Variants in CCDC88C observed in about 807,000 individuals in gnomAD.
CCDC88C encodes protein Daple.
Under a neutral mutation model 198.8 loss-of-function variants are expected in CCDC88C, and 131 were observed. The ratio of observed to expected loss-of-function variants is 0.66; its 90% CI spans 0.57 to 0.76. CCDC88C has a LOEUF of 0.76. Among genes scored for constraint, CCDC88C ranks in the 30% least tolerant of loss-of-function variants. The pLI is 0.00. For missense variants in CCDC88C, 2,553 were observed against 2,631.6 expected, an observed-to-expected ratio of 0.97 and a Z score of 0.65; for synonymous variants, 1,166 against 1,114.7, an observed-to-expected ratio of 1.05 and a Z score of -0.92.
chr14:91,272,618 G>C lies in CCDC88C; in HGVS notation c.*7C>G, dbSNP rs1455288132. On this transcript the variant is annotated 3_prime_UTR_variant, in exon 30 of 30. Coordinates refer to ENST00000389857, the MANE Select transcript of CCDC88C (RefSeq NM_001080414.4). ...TTTTCAGGTTTGCGAGCTCAACCAC[G>C]AGACAGTCACACACAGCCGTACTCA... The C allele has an allele frequency of 1.3e-6, 2 of 1,597,652 alleles. No individual in the cohort carries two copies. Among genetic ancestry groups the C allele is most frequent in the East Asian group, 4.5e-5 (2 of 44,498 alleles).
intron 22 of CCDC88C, 103 bp downstream of exon 22, chr14:91,297,202 G>A: frequency 8.5e-7 from 1 of 1,172,540 alleles, no homozygotes; most frequent in Non-Finnish European, 1.2e-6. Context: ...CTGTCTTTGA[G>A]CACAAATGCC....
chr14:91,362,440 G>GT (rs11403536), intron 3 of CCDC88C, among the ~76,000 whole-genome samples: 46,455 of 151,906 alleles, frequency 0.31, 7,294 homozygotes, highest in Non-Finnish European at 0.34. Flanking sequence ...TTGTTGTTTT[G>GT]TTTTTTGAAA....
At chr14:91,337,950 C>A (rs1893121574) in intron 10 of CCDC88C, 55 bp downstream of exon 10, 7 of 1,596,332 alleles carry the variant, frequency 4.4e-6, no homozygotes, top group Non-Finnish European at 5.1e-6. Flanking sequence ...TCTGAATGTG[C>A]TTCTCAGGAA....
At chr14:91,300,488 C>T (rs1048426604) in intron 20 of CCDC88C, among the ~76,000 whole-genome samples, 4 of 152,172 alleles carry the variant, frequency 2.6e-5, no homozygotes, top group Admixed American at 6.5e-5. Context: ...AGTGGAATTC[C>T]GCTGCACATC....
intron 20 of CCDC88C, among the ~76,000 whole-genome samples, chr14:91,301,392 C>T (rs560625900): frequency 6.6e-6 from 1 of 152,312 alleles, no homozygotes; most frequent in East Asian, 1.9e-4. Context: ...CTCCACCTGC[C>T]AAAACCTTTG....
intron 3 of CCDC88C, among the ~76,000 whole-genome samples, chr14:91,361,385 A>G (rs8008239): frequency 0.3 from 46,370 of 152,136 alleles, 7,274 homozygotes; most frequent in Non-Finnish European, 0.34. Flanking sequence ...ACATGGCCCG[A>G]GTGCGTATCT....
At chr14:91,391,269 C>T (rs1030627287) in intron 3 of CCDC88C, among the ~76,000 whole-genome samples, 13 of 151,064 alleles carry the variant, frequency 8.6e-5, no homozygotes, top group African/African-American at 3.2e-4. Context: ...AAAAAAAAAA[C>T]CCACTGGGTG....
chr14:91,281,270 C>A, intron 27 of CCDC88C, 187 bp downstream of exon 27: 1 of 1,452,534 alleles, frequency 6.9e-7, no homozygotes, highest in Non-Finnish European at 9.3e-7. Context: ...AATTCCCCAC[C>A]ACTGGAGGTA....
intron 3 of CCDC88C, among the ~76,000 whole-genome samples, chr14:91,365,620 T>C (rs117699667): frequency 0.021 from 3,158 of 152,308 alleles, 49 homozygotes; most frequent in Non-Finnish European, 0.035. Context: ...CCTCCACCCT[T>C]GGTTTGGCAA....
chr14:91,396,497 C>T (rs947826869), intron 3 of CCDC88C, among the ~76,000 whole-genome samples: 2 of 152,170 alleles, frequency 1.3e-5, no homozygotes, highest in Non-Finnish European at 2.9e-5. Flanking sequence ...CAACACTCAT[C>T]ACCCACAAGT....
chr14:91,289,330 T>A lies in CCDC88C; in HGVS notation c.4216A>T (p.Ile1406Phe), dbSNP rs1890561840. 2 of 1,613,846 alleles carry A rather than the reference T, an allele frequency of 1.2e-6. No homozygotes were observed. The highest frequency in any genetic ancestry group is 1.3e-5 in the African/African-American group (1 of 74,928). Residue 1406 changes from isoleucine to phenylalanine, a missense_variant, in exon 25 of 30, where the codon ATT becomes TTT. This residue lies in a region of CCDC88C where 1,293 missense variants were observed against 1,219.6 expected (regional missense o/e 1.06). Transcript: ENST00000389857. ...AGTTTGACTAAGGCTTTGGCTCCAA[T>A]CCAGTGGTTCTTCCTGGTTAGAAGT... ...DPPPKKKNHWIGAKALVKLIK... is the reference protein window; with the variant it reads ...DPPPKKKNHWFGAKALVKLIK...
At chr14:91,289,773 G>A (rs1473112585) in intron 24 of CCDC88C, among the ~76,000 whole-genome samples, 1 of 152,116 alleles carries the variant, frequency 6.6e-6, no homozygotes, top group Admixed American at 6.5e-5. Context: ...GCAGAGGAGA[G>A]CAGGCTGTTT....
intron 3 of CCDC88C, among the ~76,000 whole-genome samples, chr14:91,393,336 C>A (rs1378569351): frequency 6.6e-6 from 1 of 152,146 alleles, no homozygotes; most frequent in Non-Finnish European, 1.5e-5. Flanking sequence ...GCCCCCCCAC[C>A]CCCTAAACCC....
intron 10 of CCDC88C, among the ~76,000 whole-genome samples, chr14:91,326,274 C>T (rs1378354882): frequency 4.6e-5 from 7 of 151,806 alleles, no homozygotes; most frequent in East Asian, 1.9e-4. Context: ...GGTGCAGTGG[C>T]GCGATCTCAG....
chr14:91,294,143 C>T (rs377169890), intron 23 of CCDC88C, 30 bp downstream of exon 23: 28 of 1,611,332 alleles, frequency 1.7e-5, no homozygotes, highest in Middle Eastern at 3.3e-4. Flanking sequence ...GGTGAGGGTG[C>T]GGAGAGGGGT....
chr14:91,324,507 T>C (rs774340631), intron 12 of CCDC88C, among the ~76,000 whole-genome samples: 9 of 152,340 alleles, frequency 5.9e-5, no homozygotes, highest in African/African-American at 9.6e-5. Flanking sequence ...TGCACTATAA[T>C]CTGGAAGCTC....
intron 2 of CCDC88C, among the ~76,000 whole-genome samples, chr14:91,414,937 AG>A (rs1458461119): frequency 8.5e-5 from 13 of 152,216 alleles, no homozygotes; most frequent in Non-Finnish European, 1.9e-4. Context: ...CGTTTCTCAA[AG>A]GAACGGTCCA....
At chr14:91,337,596 C>T (rs142815820) in intron 10 of CCDC88C, among the ~76,000 whole-genome samples, 1 of 152,384 alleles carries the variant, frequency 6.6e-6, no homozygotes, top group African/African-American at 2.4e-5. Context: ...CCACCTTGGT[C>T]TCCCAAAGTG....
intron 4 of CCDC88C, among the ~76,000 whole-genome samples, chr14:91,351,920 C>A (rs901121947): frequency 6.6e-6 from 1 of 152,176 alleles, no homozygotes; most frequent in African/African-American, 2.4e-5. Context: ...TCCTACCCCA[C>A]CTGCCTGCCA....
Sources: allele counts gnomAD v4.1 joint callset (sites outside exome capture counted in the v4.1 genomes callset), GRCh38; gene constraint gnomAD v4.1.1; regional missense constraint gnomAD v4.1.1; transcripts MANE v1.5; gene names NCBI Gene and HGNC (gene_info 2026-07-23, HGNC 2026-07-21).